The following APBA1 variants were observed in gnomAD, a reference collection of about 807,000 sequenced individuals.
APBA1 encodes the protein amyloid beta precursor protein binding family A member 1, also known as amyloid-beta A4 precursor protein-binding family A member 1.
A neutral mutation model predicts 86.6 loss-of-function variants in APBA1; 55 were observed. The observed-to-expected ratio is 0.64, with a 90% CI of 0.51 to 0.80. APBA1 has a LOEUF of 0.80. APBA1 is among the 30% of genes least tolerant of loss of function. APBA1 has a pLI of 0.00. For synonymous variants in APBA1, 511 were observed against 493.9 expected (o/e 1.03, Z -0.46); for missense variants, 1,090 against 1,183.0 (o/e 0.92, Z 1.15).
intron 1 of APBA1, among the ~76,000 whole-genome samples, chr9:69,657,268 A>T (rs1010483421): frequency 3.3e-5 from 5 of 152,250 alleles, no homozygotes; most frequent in African/African-American, 1.2e-4. Flanking sequence ...TTTGCATCCC[A>T]TTGAGTCCAG....
At chr9:69,560,921 T>G (rs111290062) in intron 1 of APBA1, among the ~76,000 whole-genome samples, 1 of 152,234 alleles carries the variant, frequency 6.6e-6, no homozygotes, top group Admixed American at 6.5e-5. Flanking sequence ...TTCAAGTTAT[T>G]AATTCATCTA....
rs1406227952 is a variant in APBA1 at position 69,429,412 on chromosome 9, G to A, written c.*1915C>T. The A allele has an allele frequency of 6.6e-6, 1 of 152,232 alleles. No individual in the cohort carries two copies. Among genetic ancestry groups the A allele is most frequent in the Non-Finnish European group, 1.5e-5 (1 of 68,042 alleles). 9.4% of individuals were successfully genotyped at this position (152,232 alleles called of 1,614,324 possible). A position where few individuals can be genotyped will look rare whatever the true frequency, so the allele number is the denominator to read the frequency against. On this transcript the variant is annotated 3_prime_UTR_variant, in exon 13 of 13. Transcript: ENST00000265381. Reference sequence around the variant, plus strand: ...GCATCCTTCAAAGAAGTCCTGGGGAGCTTTACGGACCATCCCAGAGCCCCT... The same window carrying A: ...GCATCCTTCAAAGAAGTCCTGGGGAACTTTACGGACCATCCCAGAGCCCCT...
intron 1 of APBA1, among the ~76,000 whole-genome samples, chr9:69,671,300 T>TATC (rs1047949842): frequency 6.6e-6 from 1 of 152,098 alleles, no homozygotes; most frequent in African/African-American, 2.4e-5. Context: ...AGAGAAGTAG[T>TATC]ATCACAGGAT....
intron 1 of APBA1, among the ~76,000 whole-genome samples, chr9:69,565,888 T>C (rs1837018863): frequency 6.6e-6 from 1 of 152,212 alleles, no homozygotes; most frequent in Admixed American, 6.5e-5. Flanking sequence ...ATCACGTCCC[T>C]CCTCTGTTTA....
intron 3 of APBA1, chr9:69,472,631 A>G (rs1057378630): frequency 4.6e-5 from 7 of 152,228 alleles, no homozygotes; most frequent in South Asian, 2.1e-4. Context: ...CTGAGAACCT[A>G]CCCGGTTCTT....
chr9:69,449,073 G>A (rs1385944296), intron 10 of APBA1, among the ~76,000 whole-genome samples: 7 of 152,178 alleles, frequency 4.6e-5, no homozygotes, highest in Non-Finnish European at 1.0e-4. Context: ...TTCTGGCAAT[G>A]AGCACATGTG....
intron 1 of APBA1, among the ~76,000 whole-genome samples, chr9:69,575,428 G>A (rs1246111009): frequency 6.6e-6 from 1 of 152,154 alleles, no homozygotes; most frequent in African/African-American, 2.4e-5. Flanking sequence ...AACAAAGCTG[G>A]AGGCGTCACG....
Position 69,620,105 on chromosome 9 carries a change from C to T in APBA1, c.-70+52048G>A, listed in dbSNP as rs143418157. 6.6e-3 allele frequency among the ~76,000 whole-genome samples: 1,004 copies of T among 152,306 alleles called. 6 individuals carry two copies. Among genetic ancestry groups the T allele is most frequent in the African/African-American group, 0.023 (963 of 41,570 alleles). On this transcript the variant is annotated intron_variant, in intron 1 of 12. Coordinates refer to ENST00000265381, the MANE Select transcript of APBA1 (RefSeq NM_001163.4). ...TGTCTTCTGGAAAACTAGGTCCTTG[C>T]TCCCAGCATTGCCTCTTCCTCCCTC...
Position 69,661,457 on chromosome 9 carries a change from C to G in APBA1, c.-70+10696G>C, listed in dbSNP as rs146634586. The stretch of plus-strand genomic sequence containing the variant: ...ATTTCCCCTTTTGTAGCTGGAGAAG[C>G]TGAGGCTCAGACCAACCTGGAGACT... On this transcript the variant is annotated intron_variant, in intron 1 of 12. Transcript: ENST00000265381. Among the ~76,000 whole-genome samples the G allele has an allele frequency of 3.9e-3, 596 of 152,298 alleles. 4 individuals carry two copies. Among genetic ancestry groups the G allele is most frequent in the Middle Eastern group, 0.01 (3 of 294 alleles).
Position 69,457,054 on chromosome 9 carries a change from T to C in APBA1, c.1601A>G (p.Gln534Arg). 1.9e-6 allele frequency: 3 copies of C among 1,613,528 alleles called. No individual in the cohort carries two copies. Among genetic ancestry groups the C allele is most frequent in the Non-Finnish European group, 2.5e-6 (3 of 1,179,446 alleles). The change falls in exon 7 of 13, where the codon CAG (glutamine) becomes CGG (arginine). Residue 534 changes from glutamine (Q) to arginine (R), a missense_variant and splice_region_variant. Coordinates refer to ENST00000265381, the MANE Select transcript of APBA1 (RefSeq NM_001163.4). The stretch of plus-strand genomic sequence containing the variant: ...GGAAAGGTGGAAGCCAGCTGATACC[T>C]GTGTGTCGGCGTTCAGCACTTTGAT... The part of the protein sequence containing the change: ...QRIKVLNADT[Q>R]ETMMDHPLRT...
chr9:69,560,421 C>A (rs911676139), intron 1 of APBA1, among the ~76,000 whole-genome samples: 1 of 152,142 alleles, frequency 6.6e-6, no homozygotes, highest in African/African-American at 2.4e-5. Flanking sequence ...AGAGCAAGAG[C>A]CCTGAAGTTA....
chr9:69,638,218 A>T (rs1360735668), intron 1 of APBA1, among the ~76,000 whole-genome samples: 1 of 152,140 alleles, frequency 6.6e-6, no homozygotes, highest in African/African-American at 2.4e-5. Flanking sequence ...GAAATGCTCA[A>T]GTGCATATTT....
intron 1 of APBA1, among the ~76,000 whole-genome samples, chr9:69,646,575 C>T (rs932081683): frequency 6.6e-6 from 1 of 152,136 alleles, no homozygotes; most frequent in Non-Finnish European, 1.5e-5. Flanking sequence ...CTAGACAAGC[C>T]TGGCTTCAAG....
chr9:69,432,906 T>C (rs1834630499), intron 11 of APBA1, among the ~76,000 whole-genome samples: 1 of 152,044 alleles, frequency 6.6e-6, no homozygotes, highest in African/African-American at 2.4e-5. Context: ...ACATCACTGG[T>C]TTTTACGGCA....
chr9:69,453,947 G>A (rs946440495), intron 8 of APBA1, among the ~76,000 whole-genome samples: 7 of 152,214 alleles, frequency 4.6e-5, no homozygotes, highest in Non-Finnish European at 1.0e-4. Flanking sequence ...AGGTTGAGGG[G>A]TTAAACTGCA....
rs772093024 is a variant in APBA1, at chr9:69,456,838, C to T, written c.1602+215G>A. 4.6e-5 allele frequency among the ~76,000 whole-genome samples: 7 copies of T among 152,246 alleles called. No individual in the cohort carries two copies. The East Asian group carries it at 5.8e-4, about 13-fold the overall frequency. On this transcript the variant is annotated intron_variant, in intron 7 of 12. Transcript: ENST00000265381. ...GATTAAAATTTCTGAAAATGCTAAA[C>T]GTCATCCATGTCTTAGGGGTGTTTT... is the stretch of plus-strand genomic sequence containing the variant.
At chr9:69,490,039 A>G (rs1158177254) in intron 2 of APBA1, among the ~76,000 whole-genome samples, 9 of 152,236 alleles carry the variant, frequency 5.9e-5, no homozygotes, top group South Asian at 2.1e-4. Flanking sequence ...TGTTTATTGC[A>G]GCACTATTCA....
chr9:69,573,585 T>A (rs1222138172), intron 1 of APBA1, among the ~76,000 whole-genome samples: 1 of 152,220 alleles, frequency 6.6e-6, no homozygotes, highest in Non-Finnish European at 1.5e-5. Flanking sequence ...GGGTGTGATA[T>A]CTTTAGATTC....
At chr9:69,496,155 C>A (rs930515974) in intron 2 of APBA1, among the ~76,000 whole-genome samples, 9 of 152,058 alleles carry the variant, frequency 5.9e-5, no homozygotes, top group Non-Finnish European at 1.3e-4. Context: ...ACAGAGGCAG[C>A]AGTGTGGTTC....
Sources: gnomAD v4.1 joint callset for allele counts (sites outside exome capture counted in the v4.1 genomes callset) on GRCh38, gnomAD v4.1.1 for gene constraint, MANE v1.5 for transcripts, NCBI Gene and HGNC (gene_info 2026-07-23, HGNC 2026-07-21) for gene names.